TBC1D4: variants seen among roughly 807,000 people sequenced by gnomAD.
The protein encoded by TBC1D4 is TBC1 domain family member 4.
A neutral mutation model predicts 142.5 loss-of-function variants in TBC1D4; 121 were observed. The ratio of observed to expected loss-of-function variants is 0.85; its 90% CI spans 0.73 to 0.99. TBC1D4 has a LOEUF of 0.99. Among genes scored for constraint, TBC1D4 ranks in the 50% least tolerant of loss-of-function variants. The pLI is 0.00. For missense variants in TBC1D4, 1,475 were observed against 1,606.6 expected, an observed-to-expected ratio of 0.92 and a Z score of 1.40; for synonymous variants, 630 against 628.2, an observed-to-expected ratio of 1.00 and a Z score of -0.04.
intron 4 of TBC1D4, 73 bp from the exon 5 acceptor site, chr13:75,349,375 T>A: frequency 6.3e-7 from 1 of 1,587,130 alleles, no homozygotes; most frequent in African/African-American, 1.4e-5. Flanking sequence ...AACAGCAATG[T>A]GAGCCTTTGT....
At chr13:75,420,572 C>T (rs4133440) in intron 1 of TBC1D4, among the ~76,000 whole-genome samples, 103,664 of 152,118 alleles carry the variant, frequency 0.68, 40,760 homozygotes, top group East Asian at 0.98. Flanking sequence ...CTTCAAGCAA[C>T]GTGGAATGCA....
rs1294784469 is a variant in TBC1D4, at chr13:75,362,121, C to A, written c.985G>T (p.Gly329Cys). Reference protein sequence around the residue: ...VTGVQRRVHEGSQKSQPRRRH... With the variant: ...VTGVQRRVHECSQKSQPRRRH... ...CGTCGCGGCTGGGATTTCTGGCTGCCCTCGTGAACTCTCCGTTGCACGCCG... is the reference window on the plus strand; with the variant it reads ...CGTCGCGGCTGGGATTTCTGGCTGCACTCGTGAACTCTCCGTTGCACGCCG... Residue 329 changes from glycine (G) to cysteine (C), a missense_variant, in exon 2 of 21, where the codon GGC becomes TGC. Transcript: ENST00000377636. The surrounding 1 kb of genome is among the most constrained non-coding windows in gnomAD (Gnocchi z 4.2). 6.2e-6 allele frequency: 10 copies of A among 1,613,956 alleles called. No individual in the cohort carries two copies. Among genetic ancestry groups the A allele is most frequent in the Non-Finnish European group, 8.5e-6 (10 of 1,180,036 alleles).
intron 12 of TBC1D4, among the ~76,000 whole-genome samples, chr13:75,313,507 A>G (rs1877986751): frequency 6.6e-6 from 1 of 152,108 alleles, no homozygotes; most frequent in Non-Finnish European, 1.5e-5. Context: ...TAAAAAATAG[A>G]TCTTTTTATA....
chr13:75,459,387 G>T (rs560029441), intron 1 of TBC1D4, among the ~76,000 whole-genome samples: 5 of 152,106 alleles, frequency 3.3e-5, no homozygotes, highest in Admixed American at 1.3e-4. Context: ...GCTTCAGTTT[G>T]TATGGCTCCC....
chr13:75,406,307 C>T (rs1885337900), intron 1 of TBC1D4, among the ~76,000 whole-genome samples: 1 of 152,212 alleles, frequency 6.6e-6, no homozygotes, highest in Non-Finnish European at 1.5e-5. Context: ...ACGTACTTTA[C>T]TTAAAACCAA....
chr13:75,400,519 G>A (rs926396168), intron 1 of TBC1D4, among the ~76,000 whole-genome samples: 6 of 149,940 alleles, frequency 4.0e-5, no homozygotes, highest in Admixed American at 6.6e-5. Flanking sequence ...GGGCAGTGGC[G>A]TGACCTCAGC....
Position 75,341,130 on chromosome 13 carries a change from G to C in TBC1D4, c.1606C>G (p.Pro536Ala). ...QKTHVHIGEGPSTISNSTIPE... is the reference protein window; with the variant it reads ...QKTHVHIGEGASTISNSTIPE... The stretch of plus-strand genomic sequence containing the variant: ...AGTAGGAAATATCTTCTCACAGAAG[G>C]GCCTTCCCCGATGTGCACGTGTGTC... Residue 536 changes from proline to alanine, a missense_variant, in exon 7 of 21, where the codon CCT becomes GCT. This residue lies in a region of TBC1D4 where 1,227 missense variants were observed against 1,267.7 expected (regional missense o/e 0.97). Transcript: ENST00000377636. The C allele has an allele frequency of 6.2e-7, 1 of 1,612,772 alleles. No individual in the cohort carries two copies. Among genetic ancestry groups the C allele is most frequent in the Non-Finnish European group, 8.5e-7 (1 of 1,179,346 alleles).
chr13:75,396,636 G>A (rs1219188612), intron 1 of TBC1D4, among the ~76,000 whole-genome samples: 3 of 151,792 alleles, frequency 2.0e-5, no homozygotes, highest in African/African-American at 7.3e-5. Flanking sequence ...AATAACTAAT[G>A]TCTGAATGTA....
intron 5 of TBC1D4, among the ~76,000 whole-genome samples, chr13:75,347,953 T>G (rs529420998): frequency 2.1e-4 from 32 of 152,176 alleles, no homozygotes; most frequent in African/African-American, 7.7e-4. Context: ...CTGACCAACA[T>G]AGTGAGACCC....
chr13:75,385,339 T>C (rs1884103615), intron 1 of TBC1D4, among the ~76,000 whole-genome samples: 1 of 152,196 alleles, frequency 6.6e-6, no homozygotes, highest in African/African-American at 2.4e-5. Flanking sequence ...GCAAAACGTT[T>C]GTGAAGTGAA....
At chr13:75,299,268 GAA>G (rs1876265828) in intron 17 of TBC1D4, 60 bp downstream of exon 17, 1 of 1,610,010 alleles carries the variant, frequency 6.2e-7, no homozygotes, top group Non-Finnish European at 8.5e-7. Context: ...TAATAATTGA[GAA>G]GAGGGCCAGG....
intron 1 of TBC1D4, among the ~76,000 whole-genome samples, chr13:75,448,672 T>C (rs1448928540): frequency 1.3e-5 from 2 of 152,018 alleles, no homozygotes; most frequent in African/African-American, 4.8e-5. Context: ...TTTTATACGG[T>C]GTTTTTAACC....
At position 75,380,224 on chromosome 13, in the gene TBC1D4, A is replaced by C. The variant is rs1035296084; in HGVS notation, c.499-17617T>G. ...GAGGCAGACATGCCTGTAATCCCAG[A>C]ACTTTGGGAGGCCGAGGCGGGTGGA... On this transcript the variant is annotated intron_variant, in intron 1 of 20. Transcript: ENST00000377636. 4.0e-5 allele frequency among the ~76,000 whole-genome samples: 6 copies of C among 151,130 alleles called. No individual in the cohort carries two copies. The East Asian group carries it at 7.9e-4, about 20-fold the overall frequency.
At chr13:75,412,448 G>GCA (rs374475930) in intron 1 of TBC1D4, among the ~76,000 whole-genome samples, 1 of 151,804 alleles carries the variant, frequency 6.6e-6, no homozygotes, top group African/African-American at 2.4e-5. Context: ...ACACACGCAT[G>GCA]CACACACACA....
intron 1 of TBC1D4, among the ~76,000 whole-genome samples, chr13:75,440,368 G>C (rs1886983358): frequency 6.6e-6 from 1 of 151,864 alleles, no homozygotes; most frequent in South Asian, 2.1e-4. Context: ...TATCCTTCAA[G>C]CAAAGAGAAA....
chr13:75,481,214 G>A (rs1888851643), intron 1 of TBC1D4, 56 bp downstream of exon 1: 3 of 1,029,722 alleles, frequency 2.9e-6, no homozygotes, highest in African/African-American at 1.6e-5. Context: ...CTCCCGCCCT[G>A]CTCCCCGATC....
At position 75,302,227 on chromosome 13, in the gene TBC1D4, C is replaced by T. The variant is rs1876637267; in HGVS notation, c.2911+16G>A. 2.5e-6 allele frequency: 4 copies of T among 1,614,010 alleles called. No homozygotes were observed. The highest frequency in any genetic ancestry group is 1.3e-5 in the African/African-American group (1 of 75,014). On this transcript the variant is annotated intron_variant, in intron 16 of 20. Transcript: ENST00000377636. ...CTGTTTACTTTTGTAAATTATAATC[C>T]ACATGACAAACATACCTAAATCCAC...
chr13:75,451,266 T>A (rs1887520290), intron 1 of TBC1D4, among the ~76,000 whole-genome samples: 1 of 152,138 alleles, frequency 6.6e-6, no homozygotes, highest in South Asian at 2.1e-4. Flanking sequence ...CCTCGCAGTG[T>A]CTGCACATAA....
At chr13:75,337,472 G>A (rs952125296) in intron 7 of TBC1D4, among the ~76,000 whole-genome samples, 1 of 152,164 alleles carries the variant, frequency 6.6e-6, no homozygotes, top group Non-Finnish European at 1.5e-5. Context: ...TTCTGGTAAT[G>A]CCTCTGTTAT....
Sources: allele counts gnomAD v4.1 joint callset (sites outside exome capture counted in the v4.1 genomes callset), GRCh38; gene constraint gnomAD v4.1.1; regional missense constraint gnomAD v4.1.1; non-coding constraint Gnocchi (gnomAD v3.1); transcripts MANE v1.5; gene names NCBI Gene and HGNC (gene_info 2026-07-23, HGNC 2026-07-21).